Variants in INPP4B observed in about 807,000 individuals in gnomAD.
INPP4B encodes inositol polyphosphate-4-phosphatase type II B.
Under a neutral mutation model 122.5 loss-of-function variants are expected in INPP4B, and 55 were observed. The ratio of observed to expected loss-of-function variants is 0.45; its 90% CI spans 0.36 to 0.56. The LOEUF is 0.56. Ranked by LOEUF, INPP4B falls within the 20% of genes least tolerant of loss-of-function variation. The probability of loss-of-function intolerance (pLI) is 0.00; values close to 1 mark genes in which losing one functional copy is unlikely to be tolerated. For missense variants in INPP4B, 1,000 were observed against 1,097.7 expected (o/e 0.91, Z 1.26); for synonymous variants, 403 against 388.7 (o/e 1.04, Z -0.43).
intron 2 of INPP4B, among the ~76,000 whole-genome samples, chr4:142,575,717 T>C (rs1418606974): frequency 6.6e-6 from 1 of 152,054 alleles, no homozygotes; most frequent in African/African-American, 2.4e-5. Context: ...ATCATCTGCT[T>C]CAATCTCATG....
At chr4:142,171,674 C>T (rs1471401725) in intron 16 of INPP4B, among the ~76,000 whole-genome samples, 2 of 151,774 alleles carry the variant, frequency 1.3e-5, no homozygotes, top group East Asian at 3.9e-4. Flanking sequence ...TAAAAGAATG[C>T]ATGGCTTGCA....
At chr4:142,757,976 G>C (rs947799832) in intron 1 of INPP4B, among the ~76,000 whole-genome samples, 3 of 152,084 alleles carry the variant, frequency 2.0e-5, no homozygotes, top group African/African-American at 7.2e-5. Flanking sequence ...GATTGGACTT[G>C]GCTTTGTGCA....
At chr4:142,040,744 ACAGT>A (rs1450942367) in intron 25 of INPP4B, among the ~76,000 whole-genome samples, 2 of 152,212 alleles carry the variant, frequency 1.3e-5, no homozygotes, top group Non-Finnish European at 2.9e-5. Flanking sequence ...CTTGAAAATA[ACAGT>A]CAGATAAAAG....
intron 14 of INPP4B, among the ~76,000 whole-genome samples, chr4:142,195,470 CA>C (rs1561449322): frequency 6.6e-6 from 1 of 152,018 alleles, no homozygotes; most frequent in African/African-American, 2.4e-5. Context: ...AAAAAGGCCA[CA>C]AAAAAACCTT....
intron 2 of INPP4B, among the ~76,000 whole-genome samples, chr4:142,485,686 T>G (rs1030816125): frequency 3.0e-4 from 46 of 152,280 alleles, no homozygotes; most frequent in African/African-American, 1.1e-3. Flanking sequence ...AATAAGGAAC[T>G]GAACAAATGT....
intron 1 of INPP4B, among the ~76,000 whole-genome samples, chr4:142,745,775 G>A (rs1012886671): frequency 6.6e-6 from 1 of 151,802 alleles, no homozygotes; most frequent in Non-Finnish European, 1.5e-5. Context: ...AAGCTGTTGT[G>A]GTTATGTTAA....
At position 142,806,150 on chromosome 4, in the gene INPP4B, G is replaced by A. The variant is rs976936434; in HGVS notation, c.-254+40059C>T. Among the ~76,000 whole-genome samples, 7 of 151,674 alleles carry A rather than the reference G, an allele frequency of 4.6e-5. 1 individual carries two copies. The South Asian group carries it at 8.3e-4, about 18-fold the overall frequency. On this transcript the variant is annotated intron_variant, in intron 1 of 25. Transcript: ENST00000262992. The stretch of plus-strand genomic sequence containing the variant: ...AGAAATAAGCCGGGCATGGTGGCGG[G>A]CGCCTGTAGTCCCAGCTACTAGGGA...
chr4:142,823,768 A>G (rs1032907565), intron 1 of INPP4B, among the ~76,000 whole-genome samples: 4 of 152,200 alleles, frequency 2.6e-5, no homozygotes, highest in Non-Finnish European at 4.4e-5. Flanking sequence ...GGAGGCTCCA[A>G]TGAGAAAGCA....
chr4:142,403,022 G>A lies in INPP4B; in HGVS notation c.288C>T (p.Val96=). 6.2e-7 allele frequency: 1 copy of A among 1,610,508 alleles called. No homozygotes were observed. Among genetic ancestry groups the A allele is most frequent in the East Asian group, 2.2e-5 (1 of 44,846 alleles). Residue 96 remains valine, a synonymous_variant, in exon 7 of 26, where the codon GTC becomes GTT. Transcript: ENST00000262992. The part of the protein sequence containing the change: ...GTRDPLFLTG[V]TFPSEYPIYE... ...AGATGGGATACTCAGATGGGAATGT[G>A]ACACCAGTCAAAAACAGTGGGTCCC...
At position 142,586,088 on chromosome 4, in the gene INPP4B, T is replaced by C. The variant is rs572270462; in HGVS notation, c.-190-123362A>G. 3.9e-5 allele frequency among the ~76,000 whole-genome samples: 6 copies of C among 152,096 alleles called. No individual in the cohort carries two copies. In the South Asian group the frequency reaches 1.2e-3, roughly 32 times the overall value. The stretch of plus-strand genomic sequence containing the variant: ...ACCTTGAGAGGCCAAGGCAGGCAGA[T>C]TGCTTGAACTCAGGTGTTGGAGACC... On this transcript the variant is annotated intron_variant, in intron 2 of 25. Transcript: ENST00000262992.
intron 7 of INPP4B, among the ~76,000 whole-genome samples, chr4:142,379,143 A>G (rs1793118302): frequency 6.6e-6 from 1 of 152,170 alleles, no homozygotes; most frequent in Non-Finnish European, 1.5e-5. Flanking sequence ...ATTACATAAA[A>G]TTTAAATATC....
chr4:142,692,776 C>T (rs1183388300), intron 2 of INPP4B, among the ~76,000 whole-genome samples: 1 of 152,124 alleles, frequency 6.6e-6, no homozygotes, highest in Non-Finnish European at 1.5e-5. Context: ...CAAGTCCTTT[C>T]TGGTTTGACA....
rs112717804 is a variant in INPP4B, at chr4:142,489,550, C to T, written c.-190-26824G>A. On this transcript the variant is annotated intron_variant, in intron 2 of 25. Transcript: ENST00000262992. ...CTGGAATTACAGGTATGTGCCACTA[C>T]GCTCTGCTAATTTTTTGTATTTTAG... 7.3e-3 allele frequency among the ~76,000 whole-genome samples: 1,113 copies of T among 152,136 alleles called. 14 individuals are homozygous for T. The highest frequency in any genetic ancestry group is 0.025 in the African/African-American group (1,051 of 41,516).
At chr4:142,788,379 A>G (rs147875151) in intron 1 of INPP4B, among the ~76,000 whole-genome samples, 1 of 152,224 alleles carries the variant, frequency 6.6e-6, no homozygotes, top group African/African-American at 2.4e-5. Context: ...TGGGTTTCCA[A>G]AGCCTTATAA....
intron 9 of INPP4B, among the ~76,000 whole-genome samples, chr4:142,300,235 G>A (rs1417158079): frequency 6.6e-6 from 1 of 152,154 alleles, no homozygotes; most frequent in Admixed American, 6.5e-5. Flanking sequence ...CTCCCAACCT[G>A]AGAGGTGCCA....
chr4:142,641,268 A>G (rs1455203489), intron 2 of INPP4B, among the ~76,000 whole-genome samples: 1 of 151,888 alleles, frequency 6.6e-6, no homozygotes, highest in Non-Finnish European at 1.5e-5. Flanking sequence ...TATTTTTTTC[A>G]TTTTATATAT....
chr4:142,628,972 C>T (rs557183084), intron 2 of INPP4B, among the ~76,000 whole-genome samples: 19 of 152,196 alleles, frequency 1.2e-4, no homozygotes, highest in Admixed American at 7.9e-4. Context: ...ACCTCTCTCA[C>T]ATTTTATTTA....
chr4:142,302,213 A>G (rs1214913098), intron 9 of INPP4B, among the ~76,000 whole-genome samples: 1 of 152,074 alleles, frequency 6.6e-6, no homozygotes, highest in African/African-American at 2.4e-5. Flanking sequence ...CATGATTAAC[A>G]TTCCCAAGTT....
chr4:142,164,516 G>A (rs1459661174), intron 16 of INPP4B, among the ~76,000 whole-genome samples: 1 of 151,734 alleles, frequency 6.6e-6, no homozygotes, highest in Non-Finnish European at 1.5e-5. Flanking sequence ...GGGCACTGAT[G>A]TATTTTCAAC....
Sources: allele counts gnomAD v4.1 joint callset (sites outside exome capture counted in the v4.1 genomes callset), GRCh38; gene constraint gnomAD v4.1.1; transcripts MANE v1.5; gene names NCBI Gene and HGNC (gene_info 2026-07-23, HGNC 2026-07-21).